DIP2C: variants seen among roughly 807,000 people sequenced by gnomAD.
The protein encoded by DIP2C is disco-interacting protein 2 homolog C.
A neutral mutation model predicts 192.4 loss-of-function variants in DIP2C; 33 were observed. The observed-to-expected ratio is 0.17, with a 90% CI of 0.13 to 0.23. DIP2C has a LOEUF of 0.23. DIP2C is among the 10% of genes least tolerant of loss of function. DIP2C has a pLI of 1.00. For synonymous variants in DIP2C, 979 were observed against 864.1 expected (o/e 1.13, Z -2.33); for missense variants, 1,537 against 2,110.1 (o/e 0.73, Z 5.32).
intron 1 of DIP2C, among the ~76,000 whole-genome samples, chr10:537,361 T>C (rs1332169523): frequency 6.6e-6 from 1 of 152,234 alleles, no homozygotes; most frequent in Non-Finnish European, 1.5e-5. Flanking sequence ...AGGATTCTTA[T>C]TTAAAACTGT....
rs552354409 is a variant in DIP2C at position 591,208 on chromosome 10, T to C, written c.85+98286A>G. On this transcript the variant is annotated intron_variant, in intron 1 of 36. Transcript: ENST00000280886. ...CGTGATCTCGGCTCACTGCAACCTC[T>C]GCACCTTCCCGGTACAAGTGTTTCT... Among the ~76,000 whole-genome samples, 36 of 152,252 alleles carry C rather than the reference T, an allele frequency of 2.4e-4. No individual in the cohort carries two copies. In the South Asian group the frequency reaches 6.9e-3, roughly 29 times the overall value.
intron 2 of DIP2C, among the ~76,000 whole-genome samples, chr10:484,078 G>A (rs1173067744): frequency 6.6e-6 from 1 of 152,176 alleles, no homozygotes; most frequent in Non-Finnish European, 1.5e-5. Context: ...CCAAGTGCTG[G>A]GATCACAGGC....
chr10:398,466 T>G (rs1015452957), intron 10 of DIP2C, among the ~76,000 whole-genome samples: 32 of 152,222 alleles, frequency 2.1e-4, no homozygotes, highest in African/African-American at 7.7e-4. Context: ...ATGTCTTACA[T>G]GTATTGCCTA....
chr10:332,705 A>G (rs1283366429), intron 29 of DIP2C, among the ~76,000 whole-genome samples: 1 of 152,218 alleles, frequency 6.6e-6, no homozygotes, highest in Non-Finnish European at 1.5e-5. Context: ...AGTAATACAC[A>G]TTCGCACATT....
At chr10:417,999 C>T (rs75013889) in intron 6 of DIP2C, among the ~76,000 whole-genome samples, 690 of 50,716 alleles carry the variant, frequency 0.014, 43 homozygotes, top group East Asian at 0.027. Flanking sequence ...TGTCCACCTG[C>T]ACCTGTCAGG....
intron 28 of DIP2C, 44 bp from the exon 29 acceptor site, chr10:341,373 C>G: frequency 6.2e-7 from 1 of 1,611,132 alleles, no homozygotes; most frequent in East Asian, 2.2e-5. Context: ...ACCTGACACC[C>G]TCAGACACCC....
chr10:339,894 AAG>A (rs1391327150), intron 29 of DIP2C, among the ~76,000 whole-genome samples: 7 of 152,232 alleles, frequency 4.6e-5, no homozygotes, highest in Non-Finnish European at 1.0e-4. Flanking sequence ...TTTGTTCCAG[AAG>A]AGTGTTGACA....
At chr10:310,469 C>T (rs541061102) in intron 31 of DIP2C, among the ~76,000 whole-genome samples, 26 of 152,196 alleles carry the variant, frequency 1.7e-4, no homozygotes, top group Non-Finnish European at 3.4e-4. Flanking sequence ...ATGCATCCAC[C>T]TTTAACAAAA....
Position 387,824 on chromosome 10 carries a change from G to A in DIP2C, c.1598-15C>T, listed in dbSNP as rs1382752821. The A allele has an allele frequency of 2.5e-6, 4 of 1,614,150 alleles. No homozygotes were observed. Among genetic ancestry groups the A allele is most frequent in the South Asian group, 1.1e-5 (1 of 91,084 alleles). On this transcript the variant is annotated splice_polypyrimidine_tract_variant and intron_variant, in intron 13 of 36. Transcript: ENST00000280886. ...AATGGTTTCAGCTGCACAACAGAGG[G>A]AGTCAGGAGATTTTTACTTAGGACA...
chr10:565,538 G>T (rs188153142), intron 1 of DIP2C, among the ~76,000 whole-genome samples: 2 of 151,998 alleles, frequency 1.3e-5, no homozygotes, highest in African/African-American at 4.8e-5. Flanking sequence ...TTTTCCAATC[G>T]TAAGAGAGGC....
At chr10:383,112 A>AT (rs750729252) in intron 16 of DIP2C, among the ~76,000 whole-genome samples, 15 of 152,256 alleles carry the variant, frequency 9.9e-5, no homozygotes, top group Non-Finnish European at 1.6e-4. Flanking sequence ...AATTTAAATG[A>AT]TGAGGTCGAG....
At chr10:295,235 A>C (rs994076667) in intron 32 of DIP2C, among the ~76,000 whole-genome samples, 2 of 152,174 alleles carry the variant, frequency 1.3e-5, no homozygotes, top group Non-Finnish European at 2.9e-5. Context: ...CAAAAGTCAA[A>C]ACTACAATGA....
chr10:334,210 G>A (rs1329559059), intron 29 of DIP2C, among the ~76,000 whole-genome samples: 1 of 144,768 alleles, frequency 6.9e-6, no homozygotes, highest in Non-Finnish European at 1.5e-5. Context: ...GGGAGGCTGA[G>A]GCAGGAGAAT....
intron 9 of DIP2C, among the ~76,000 whole-genome samples, chr10:400,032 C>A (rs1432704244): frequency 2.0e-5 from 3 of 152,160 alleles, no homozygotes; most frequent in Non-Finnish European, 4.4e-5. Flanking sequence ...AATATTGGTA[C>A]CTACTAATAG....
At chr10:451,404 G>A (rs1356179612) in intron 3 of DIP2C, among the ~76,000 whole-genome samples, 1 of 152,118 alleles carries the variant, frequency 6.6e-6, no homozygotes, top group African/African-American at 2.4e-5. Context: ...ATAATCATGT[G>A]GTCTCTCGCA....
Position 341,345 on chromosome 10 carries a change from C to G in DIP2C, c.3454-16G>C. 6.2e-7 allele frequency: 1 copy of G among 1,613,414 alleles called. No homozygotes were observed. The highest frequency in any genetic ancestry group is 8.5e-7 in the Non-Finnish European group (1 of 1,180,004). On this transcript the variant is annotated splice_polypyrimidine_tract_variant and intron_variant, in intron 28 of 36. Transcript: ENST00000280886. ...CGTGAGACATCTGCAAAATACAAGG[C>G]TGTGTTAAACGCATCGGACCTGACA...
intron 31 of DIP2C, among the ~76,000 whole-genome samples, chr10:313,773 T>C (rs1383777858): frequency 6.6e-6 from 1 of 152,214 alleles, no homozygotes; most frequent in African/African-American, 2.4e-5. Flanking sequence ...ATCAATTAGG[T>C]ATTAAGTGCT....
At chr10:432,274 T>C (rs1966866435) in intron 4 of DIP2C, among the ~76,000 whole-genome samples, 2 of 152,188 alleles carry the variant, frequency 1.3e-5, no homozygotes, top group South Asian at 2.1e-4. Context: ...TTGGCATAAT[T>C]TCTTTTAGAT....
intron 3 of DIP2C, among the ~76,000 whole-genome samples, chr10:470,661 C>T (rs1328097110): frequency 6.6e-6 from 1 of 152,132 alleles, no homozygotes; most frequent in Admixed American, 6.5e-5. Context: ...TTTATCAACA[C>T]CCCTGCAGCA....
Sources: gnomAD v4.1 joint callset for allele counts (sites outside exome capture counted in the v4.1 genomes callset) on GRCh38, gnomAD v4.1.1 for gene constraint, MANE v1.5 for transcripts, NCBI Gene and HGNC (gene_info 2026-07-23, HGNC 2026-07-21) for gene names.